The following PTK2 variants were observed in gnomAD, a reference collection of about 807,000 sequenced individuals.
The protein encoded by PTK2 is focal adhesion kinase 1.
PTK2 carries 45 observed loss-of-function variants against 150.1 expected under a neutral mutation model. The observed-to-expected ratio is 0.30, with a 90% CI of 0.24 to 0.38. The LOEUF is 0.38. Among genes scored for constraint, PTK2 ranks in the 10% least tolerant of loss-of-function variants. The probability of loss-of-function intolerance (pLI) is 1.00; values close to 1 mark genes in which losing one functional copy is unlikely to be tolerated. For synonymous variants in PTK2, 432 were observed against 449.2 expected, an observed-to-expected ratio of 0.96 and a Z score of 0.48; for missense variants, 919 against 1,307.3, an observed-to-expected ratio of 0.70 and a Z score of 4.58.
intron 1 of PTK2, among the ~76,000 whole-genome samples, chr8:140,993,218 G>T (rs2100196385): frequency 6.6e-6 from 1 of 152,152 alleles, no homozygotes; most frequent in South Asian, 2.1e-4. Context: ...GTTCTTCCCT[G>T]GTATCAAGCC....
At chr8:140,916,229 T>C (rs772150181) in intron 2 of PTK2, among the ~76,000 whole-genome samples, 3 of 152,246 alleles carry the variant, frequency 2.0e-5, no homozygotes, top group Non-Finnish European at 4.4e-5. Context: ...CTCATGGAGC[T>C]ATTTTTAAGG....
rs118139559 is a variant in PTK2, at chr8:140,973,058, G to A, written c.-122+28067C>T. 2.7e-4 allele frequency among the ~76,000 whole-genome samples: 41 copies of A among 152,266 alleles called. No individual in the cohort carries two copies. In the East Asian group the frequency reaches 7.3e-3, roughly 27 times the overall value. On this transcript the variant is annotated intron_variant, in intron 1 of 31. Transcript: ENST00000522684. ...GTAGAAATTCTAATTTTTCAGTTTC[G>A]TGGTAAATGTTACTGTATGTGGTTA...
chr8:140,743,384 C>A (rs1460617132), intron 19 of PTK2, 54 bp from the exon 23 acceptor site: 1 of 1,434,090 alleles, frequency 7.0e-7, no homozygotes. Flanking sequence ...AACAAACATA[C>A]AAGCTCATAT....
chr8:140,852,423 A>C (rs970576005), intron 5 of PTK2, among the ~76,000 whole-genome samples: 1 of 152,242 alleles, frequency 6.6e-6, no homozygotes, highest in Non-Finnish European at 1.5e-5. Context: ...AAAACTGCAC[A>C]GAATTACACA....
chr8:140,968,722 A>T (rs572039803), intron 1 of PTK2, among the ~76,000 whole-genome samples: 6 of 152,398 alleles, frequency 3.9e-5, no homozygotes, highest in African/African-American at 1.4e-4. Context: ...CATTCAACAC[A>T]AGACAACTCT....
intron 2 of PTK2, among the ~76,000 whole-genome samples, chr8:140,894,254 G>C (rs2100155222): frequency 1.3e-5 from 2 of 151,894 alleles, no homozygotes; most frequent in African/African-American, 2.4e-5. Context: ...CTGAAAACTG[G>C]AAAAAAAGGG....
chr8:140,993,037 A>G (rs1479540947), intron 1 of PTK2, among the ~76,000 whole-genome samples: 3 of 152,186 alleles, frequency 2.0e-5, no homozygotes, highest in African/African-American at 7.2e-5. Flanking sequence ...ACCTCAAACA[A>G]TTTTCCATGT....
intron 31 of PTK2, 138 bp downstream of exon 35, chr8:140,664,779 G>C: frequency 1.2e-6 from 1 of 833,096 alleles, no homozygotes; most frequent in East Asian, 2.6e-5. Flanking sequence ...GTGTTAGAGG[G>C]AAGGTCATCG....
At chr8:140,661,336 G>A (rs2079575892) in intron 31 of PTK2, among the ~76,000 whole-genome samples, 1 of 152,222 alleles carries the variant, frequency 6.6e-6, no homozygotes, top group Non-Finnish European at 1.5e-5. Context: ...TCAGAGGAGA[G>A]GTGATGGTGG....
chr8:140,999,876 T>C (rs2100199308), intron 1 of PTK2, among the ~76,000 whole-genome samples: 1 of 152,076 alleles, frequency 6.6e-6, no homozygotes, highest in African/African-American at 2.4e-5. Context: ...CCCCAAACTC[T>C]TGCACTGCCT....
At chr8:140,759,545 A>AG (rs2100068050) in intron 16 of PTK2, among the ~76,000 whole-genome samples, 1 of 149,560 alleles carries the variant, frequency 6.7e-6, no homozygotes, top group African/African-American at 2.5e-5. Flanking sequence ...AAAAAAAAAA[A>AG]AAAAAAAAAG....
At chr8:140,867,462 A>G (rs2100140018) in intron 4 of PTK2, among the ~76,000 whole-genome samples, 1 of 152,196 alleles carries the variant, frequency 6.6e-6, no homozygotes, top group African/African-American at 2.4e-5. Flanking sequence ...ATACGAAGAA[A>G]AGGCACCTAT....
chr8:140,806,552 T>C (rs963400604), intron 10 of PTK2, among the ~76,000 whole-genome samples: 1 of 152,176 alleles, frequency 6.6e-6, no homozygotes, highest in Non-Finnish European at 1.5e-5. Context: ...GTAAGACATC[T>C]AGGTTATGGA....
intron 10 of PTK2, among the ~76,000 whole-genome samples, chr8:140,816,277 T>C (rs552815165): frequency 6.6e-6 from 1 of 152,308 alleles, no homozygotes; most frequent in African/African-American, 2.4e-5. Context: ...TGGTTTAATA[T>C]GGAAGACCTA....
At chr8:140,873,854 CT>C (rs1779158786) in intron 4 of PTK2, among the ~76,000 whole-genome samples, 2 of 152,176 alleles carry the variant, frequency 1.3e-5, no homozygotes, top group African/African-American at 4.8e-5. Flanking sequence ...GCAACTTGTT[CT>C]TGTACTTTCA....
intron 7 of PTK2, among the ~76,000 whole-genome samples, chr8:140,831,090 A>G (rs2100115086): frequency 6.6e-6 from 1 of 152,214 alleles, no homozygotes; most frequent in African/African-American, 2.4e-5. Context: ...TTTATGCCCT[A>G]GGTAAAAAAG....
intron 26 of PTK2, among the ~76,000 whole-genome samples, chr8:140,698,366 A>G (rs1425396207): frequency 3.3e-5 from 5 of 152,258 alleles, no homozygotes; most frequent in Admixed American, 6.5e-5. Context: ...TAGGTTTAAA[A>G]TGTAGGACTA....
At chr8:140,747,153 G>C (rs2100059435) in intron 17 of PTK2, 2 of 254,030 alleles carry the variant, frequency 7.9e-6, no homozygotes, top group Non-Finnish European at 1.5e-5. Flanking sequence ...GCCTCCCAAA[G>C]TGCTGGGATT....
chr8:140,823,646 T>A (rs997684989), intron 8 of PTK2, among the ~76,000 whole-genome samples: 2 of 152,158 alleles, frequency 1.3e-5, no homozygotes, highest in South Asian at 4.1e-4. Flanking sequence ...ACTCTATCAC[T>A]CTGAACTTAC....
Sources: gnomAD v4.1 joint callset for allele counts (sites outside exome capture counted in the v4.1 genomes callset) on GRCh38, gnomAD v4.1.1 for gene constraint, MANE v1.5 for transcripts, NCBI Gene and HGNC (gene_info 2026-07-23, HGNC 2026-07-21) for gene names.